The following FER variants were observed in gnomAD, a reference collection of about 807,000 sequenced individuals.
FER encodes the protein tyrosine-protein kinase Fer.
Under a neutral mutation model 111.0 loss-of-function variants are expected in FER, and 63 were observed. That is an observed-to-expected ratio of 0.57 (90% CI 0.46 to 0.70). The LOEUF is 0.70. FER is among the 30% of genes least tolerant of loss of function. The probability of loss-of-function intolerance (pLI) is 0.00; values close to 1 mark genes in which losing one functional copy is unlikely to be tolerated. For synonymous variants in FER, 327 were observed against 313.9 expected, an observed-to-expected ratio of 1.04 and a Z score of -0.44; for missense variants, 914 against 954.0, an observed-to-expected ratio of 0.96 and a Z score of 0.55.
At chr5:109,016,527 T>C (rs533804861) in intron 13 of FER, among the ~76,000 whole-genome samples, 1 of 152,152 alleles carries the variant, frequency 6.6e-6, no homozygotes, top group Admixed American at 6.6e-5. Flanking sequence ...CAATACACAC[T>C]TGTGTACTTT....
At chr5:109,062,542 T>A (rs972896408) in intron 16 of FER, among the ~76,000 whole-genome samples, 2 of 150,820 alleles carry the variant, frequency 1.3e-5, no homozygotes, top group Admixed American at 1.3e-4. Flanking sequence ...AAAAAAAATA[T>A]ATATAACAAT....
At position 108,908,941 on chromosome 5, in the gene FER, C is replaced by T. The variant is rs957731979; in HGVS notation, c.1236+11093C>T. Among the ~76,000 whole-genome samples, 7 of 151,884 alleles carry T rather than the reference C, an allele frequency of 4.6e-5. 1 individual carries two copies. Among genetic ancestry groups the T allele is most frequent in the Admixed American group, 2.6e-4 (4 of 15,260 alleles). On this transcript the variant is annotated intron_variant, in intron 10 of 19. Coordinates refer to ENST00000281092, the MANE Select transcript of FER (RefSeq NM_005246.4). ...TAGTCCTCAGGAGACTAAGGTGGGACGATGGCTTGAGCCCAGGAGGCAGAG... is the reference window on the plus strand; with the variant it reads ...TAGTCCTCAGGAGACTAAGGTGGGATGATGGCTTGAGCCCAGGAGGCAGAG...
intron 11 of FER, among the ~76,000 whole-genome samples, chr5:108,946,588 G>A (rs1757018082): frequency 6.6e-6 from 1 of 151,306 alleles, no homozygotes; most frequent in African/African-American, 2.4e-5. Flanking sequence ...TTTACAGTAG[G>A]GATTACTATA....
At chr5:109,037,681 C>G (rs1416727539) in intron 14 of FER, among the ~76,000 whole-genome samples, 1 of 151,950 alleles carries the variant, frequency 6.6e-6, no homozygotes, top group Non-Finnish European at 1.5e-5. Context: ...AAGGATGATT[C>G]TTAACATTTA....
intron 5 of FER, among the ~76,000 whole-genome samples, chr5:108,854,293 A>G (rs903998447): frequency 1.3e-5 from 2 of 152,238 alleles, no homozygotes; most frequent in Admixed American, 1.3e-4. Flanking sequence ...ATCTTCTCTT[A>G]AAGGGTCATC....
chr5:109,032,297 C>T (rs1376025704), intron 13 of FER, among the ~76,000 whole-genome samples: 1 of 152,130 alleles, frequency 6.6e-6, no homozygotes. Flanking sequence ...AGAAAAGAAA[C>T]TATGTTTCTT....
chr5:108,903,666 C>T (rs1265821005), intron 10 of FER, among the ~76,000 whole-genome samples: 1 of 152,232 alleles, frequency 6.6e-6, no homozygotes, highest in South Asian at 2.1e-4. Flanking sequence ...TTATAAAATC[C>T]TGTAGAAAAA....
intron 13 of FER, among the ~76,000 whole-genome samples, chr5:108,998,197 A>C (rs1395486341): frequency 1.3e-5 from 2 of 151,568 alleles, no homozygotes; most frequent in Admixed American, 6.6e-5. Flanking sequence ...AAAAAAAAAA[A>C]AAAAAAAACT....
intron 10 of FER, among the ~76,000 whole-genome samples, chr5:108,944,165 T>C (rs1756669124): frequency 6.6e-6 from 1 of 151,980 alleles, no homozygotes; most frequent in Non-Finnish European, 1.5e-5. Flanking sequence ...TCTCATTTAA[T>C]TTTAAAATAA....
At chr5:108,759,236 A>G (rs549558297) in intron 1 of FER, among the ~76,000 whole-genome samples, 4 of 152,356 alleles carry the variant, frequency 2.6e-5, no homozygotes, top group Admixed American at 6.5e-5. Flanking sequence ...AGTCCTGGAC[A>G]TGGACATAAT....
chr5:109,040,374 C>T (rs1185180918), intron 14 of FER, among the ~76,000 whole-genome samples: 1 of 151,924 alleles, frequency 6.6e-6, no homozygotes, highest in Non-Finnish European at 1.5e-5. Flanking sequence ...GAAGCAATCC[C>T]CAAAGAAGGT....
chr5:108,749,385 C>G (rs892731245), intron 1 of FER, among the ~76,000 whole-genome samples: 2 of 151,008 alleles, frequency 1.3e-5, no homozygotes, highest in Non-Finnish European at 3.0e-5. Flanking sequence ...GTCGCGGGGT[C>G]TGGGGGCTGA....
At chr5:108,966,388 C>CTTTT (rs34899054) in intron 13 of FER, among the ~76,000 whole-genome samples, 1 of 124,974 alleles carries the variant, frequency 8.0e-6, no homozygotes, top group Admixed American at 8.1e-5. Flanking sequence ...TTTTTCTTTT[C>CTTTT]TTTTTTTTTT....
intron 3 of FER, among the ~76,000 whole-genome samples, chr5:108,828,892 G>A (rs957573922): frequency 1.3e-5 from 2 of 152,178 alleles, no homozygotes; most frequent in African/African-American, 4.8e-5. Flanking sequence ...GAGGCCAGGA[G>A]TTTGAGACCA....
At chr5:109,029,858 G>A (rs749762206) in intron 13 of FER, among the ~76,000 whole-genome samples, 1 of 152,060 alleles carries the variant, frequency 6.6e-6, no homozygotes, top group Non-Finnish European at 1.5e-5. Context: ...TTGTAGATTT[G>A]TGTCTTTCGC....
At chr5:108,793,530 G>GGGGGGGGTTTT (rs1755645229) in intron 2 of FER, among the ~76,000 whole-genome samples, 1 of 131,922 alleles carries the variant, frequency 7.6e-6, no homozygotes. Context: ...GGGGGGGGTG[G>GGGGGGGGTTTT]TTATATACCC....
chr5:109,051,258 C>T, intron 16 of FER: 2 of 1,142,112 alleles, frequency 1.8e-6, no homozygotes, highest in South Asian at 2.5e-5. Context: ...CTTTCTACAG[C>T]ACCTTTTTTC....
At chr5:108,938,253 G>A (rs952826873) in intron 10 of FER, among the ~76,000 whole-genome samples, 2 of 151,794 alleles carry the variant, frequency 1.3e-5, no homozygotes, top group Non-Finnish European at 2.9e-5. Flanking sequence ...TTCAAAAAAA[G>A]GAAGGAGATT....
chr5:109,115,308 A>C, intron 17 of FER, among the ~76,000 whole-genome samples: 1 of 152,088 alleles, frequency 6.6e-6, no homozygotes, highest in East Asian at 1.9e-4. Flanking sequence ...AGGAAGTAGA[A>C]TCAACATGAT....
Sources: gnomAD v4.1 joint callset for allele counts (sites outside exome capture counted in the v4.1 genomes callset) on GRCh38, gnomAD v4.1.1 for gene constraint, MANE v1.5 for transcripts, NCBI Gene and HGNC (gene_info 2026-07-23, HGNC 2026-07-21) for gene names.